Variants in SCIN observed in about 807,000 individuals in gnomAD.
The protein encoded by SCIN is scinderin.
SCIN carries 91 observed loss-of-function variants against 91.8 expected under a neutral mutation model. That is an observed-to-expected ratio of 0.99 (90% CI 0.84 to 1.18). SCIN has a LOEUF of 1.18. Among genes scored for constraint, SCIN ranks in the 50% most tolerant of loss-of-function variants. The pLI is 0.00. For missense variants in SCIN, 1,087 were observed against 863.9 expected (o/e 1.26, Z -3.24); for synonymous variants, 367 against 312.6 (o/e 1.17, Z -1.84).
At chr7:12,578,315 G>T in intron 2 of SCIN, 97 bp downstream of exon 2, 3 of 1,146,958 alleles carry the variant, frequency 2.6e-6, no homozygotes, top group Non-Finnish European at 2.4e-6. Flanking sequence ...GAGGGCAGGG[G>T]TTTTTGTTTT....
rs1018743381 is a variant in SCIN at position 12,659,435 on chromosome 7, C to A, written c.*6720C>A. 9 of 152,136 alleles carry A rather than the reference C, an allele frequency of 5.9e-5. No individual in the cohort carries two copies. Among genetic ancestry groups the A allele is most frequent in the African/African-American group, 2.2e-4 (9 of 41,424 alleles). 9.4% of individuals were successfully genotyped at this position (152,136 alleles called of 1,614,324 possible). On this transcript the variant is annotated 3_prime_UTR_variant, in exon 16 of 16. Transcript: ENST00000297029. ...GATTTGTCCATGAAAGCAGGAGATT[C>A]CCTTAACTGGTGATGCCTGAAGTTG...
intron 8 of SCIN, among the ~76,000 whole-genome samples, chr7:12,628,717 A>T (rs6975119): frequency 2.6e-4 from 40 of 152,124 alleles, no homozygotes; most frequent in East Asian, 5.8e-4. Flanking sequence ...CAGGGAAAAA[A>T]ATATATATAT....
chr7:12,604,241 C>T (rs1347040614), intron 3 of SCIN, among the ~76,000 whole-genome samples: 3 of 151,882 alleles, frequency 2.0e-5, no homozygotes, highest in Non-Finnish European at 2.9e-5. Flanking sequence ...CAAATTTAAT[C>T]CATATGTTTA....
intron 3 of SCIN, chr7:12,595,399 C>T (rs906950567): frequency 6.9e-6 from 1 of 144,904 alleles, no homozygotes; most frequent in Non-Finnish European, 1.5e-5. Flanking sequence ...AGTCTGGTGA[C>T]CTTGCTGTAG....
chr7:12,578,252 C>T, intron 2 of SCIN, 34 bp downstream of exon 2: 1 of 1,521,220 alleles, frequency 6.6e-7, no homozygotes, highest in Non-Finnish European at 8.8e-7. Flanking sequence ...TTATGAATCC[C>T]TTTCTCCTCT....
chr7:12,599,075 G>A (rs1782903218), intron 3 of SCIN, among the ~76,000 whole-genome samples: 1 of 152,186 alleles, frequency 6.6e-6, no homozygotes, highest in Non-Finnish European at 1.5e-5. Context: ...TCACTCGTAT[G>A]TAAATAGTGG....
chr7:12,627,277 C>T (rs1167217692), intron 8 of SCIN, among the ~76,000 whole-genome samples: 1 of 152,152 alleles, frequency 6.6e-6, no homozygotes, highest in Non-Finnish European at 1.5e-5. Flanking sequence ...TGGCTTCACC[C>T]TTCCACTGCC....
chr7:12,590,708 C>T (rs550788442), intron 3 of SCIN, among the ~76,000 whole-genome samples: 6 of 151,668 alleles, frequency 4.0e-5, no homozygotes, highest in Admixed American at 1.3e-4. Context: ...TCTGTTGCCT[C>T]GAGATTTCAT....
chr7:12,600,062 GT>G (rs1782927018), intron 3 of SCIN, among the ~76,000 whole-genome samples: 1 of 152,054 alleles, frequency 6.6e-6, no homozygotes, highest in East Asian at 1.9e-4. Context: ...TTGCTTTTGG[GT>G]TCTTGGTCAT....
intron 3 of SCIN, among the ~76,000 whole-genome samples, chr7:12,599,283 T>A (rs1782907403): frequency 1.3e-5 from 2 of 152,304 alleles, no homozygotes; most frequent in South Asian, 4.1e-4. Flanking sequence ...ATTCTCAGAC[T>A]TGCAGAGAAA....
chr7:12,644,031 G>A (rs34346327), intron 11 of SCIN, 107 bp from the exon 12 acceptor site: 280,955 of 982,898 alleles, frequency 0.29, 43,522 homozygotes, highest in Non-Finnish European at 0.32. Context: ...TCCTGGGATA[G>A]GGCAGAAGGC....
chr7:12,624,493 A>C (rs849801), intron 5 of SCIN, among the ~76,000 whole-genome samples: 2 of 152,120 alleles, frequency 1.3e-5, no homozygotes, highest in South Asian at 4.2e-4. Flanking sequence ...CTATATCAAT[A>C]TCCTCCTTAA....
At chr7:12,635,240 T>G (rs1178769601) in intron 9 of SCIN, among the ~76,000 whole-genome samples, 3 of 151,834 alleles carry the variant, frequency 2.0e-5, no homozygotes, top group Non-Finnish European at 4.4e-5. Flanking sequence ...ACCTCTCCAT[T>G]GTCTACTTCT....
chr7:12,628,669 T>A (rs1783579956), intron 8 of SCIN, among the ~76,000 whole-genome samples: 1 of 152,110 alleles, frequency 6.6e-6, no homozygotes, highest in Admixed American at 6.6e-5. Flanking sequence ...GTCTATCAAG[T>A]TTTGCCTGGG....
At position 12,655,171 on chromosome 7, in the gene SCIN, G is replaced by A. The variant is rs535692327; in HGVS notation, c.*2456G>A. ...TTATAATACCTAATACAGTGTAAAC[G>A]CTGTGTAAACAGTTGTTATACTATA... On this transcript the variant is annotated 3_prime_UTR_variant, in exon 16 of 16. Coordinates refer to ENST00000297029, the MANE Select transcript of SCIN (RefSeq NM_001112706.3). 2.6e-5 allele frequency: 4 copies of A among 152,130 alleles called. No individual in the cohort carries two copies. The highest frequency in any genetic ancestry group is 4.1e-4 in the South Asian group (2 of 4,822). 9.4% of individuals were successfully genotyped at this position (152,130 alleles called of 1,614,324 possible). A position where few individuals can be genotyped will look rare whatever the true frequency, so the allele number is the denominator to read the frequency against.
At chr7:12,623,272 A>G (rs535823937) in intron 5 of SCIN, among the ~76,000 whole-genome samples, 5 of 152,128 alleles carry the variant, frequency 3.3e-5, no homozygotes, top group Non-Finnish European at 1.5e-5. Flanking sequence ...CACCCTATTT[A>G]AAACATTGTC....
intron 4 of SCIN, among the ~76,000 whole-genome samples, chr7:12,617,164 T>G (rs1257615739): frequency 1.3e-5 from 2 of 152,076 alleles, no homozygotes; most frequent in Admixed American, 6.6e-5. Flanking sequence ...GAAAGAGTAA[T>G]GCTTTGACCA....
In SCIN at chr7:12,640,776, C is replaced by T. The variant is rs551814373; in HGVS notation, c.1581+259C>T. ...TTTTAAGAATACTGTCACAAATTAGCTGTCAAAAGCGTGAGGCTGCTTAAG... is the reference window on the plus strand; with the variant it reads ...TTTTAAGAATACTGTCACAAATTAGTTGTCAAAAGCGTGAGGCTGCTTAAG... On this transcript the variant is annotated intron_variant, in intron 11 of 15. Transcript: ENST00000297029. 3.9e-5 allele frequency among the ~76,000 whole-genome samples: 6 copies of T among 152,296 alleles called. No homozygotes were observed. The South Asian group carries it at 1.2e-3, about 32-fold the overall frequency.
chr7:12,640,497 T>A lies in SCIN; in HGVS notation c.1561T>A (p.Ser521Thr). Residue 521 changes from serine (S) to threonine (T), a missense_variant, in exon 11 of 16, where the codon TCT becomes ACT. Transcript: ENST00000297029. Reference protein sequence around the residue: ...RLFQVRRNLASITRIVEVDVD... With the variant: ...RLFQVRRNLATITRIVEVDVD... ...CTTTCAAGTCCGGAGAAACCTGGCA[T>A]CTATCACCAGAATTGTGGAGGTAAT... 1 of 1,611,494 alleles carries A rather than the reference T, an allele frequency of 6.2e-7. No homozygotes were observed. Among genetic ancestry groups the A allele is most frequent in the South Asian group, 1.1e-5 (1 of 90,604 alleles).
Sources: gnomAD v4.1 joint callset for allele counts (sites outside exome capture counted in the v4.1 genomes callset) on GRCh38, gnomAD v4.1.1 for gene constraint, MANE v1.5 for transcripts, NCBI Gene and HGNC (gene_info 2026-07-23, HGNC 2026-07-21) for gene names.